Variants in DCC observed in about 807,000 individuals in gnomAD.
DCC encodes netrin receptor DCC.
DCC carries 58 observed loss-of-function variants against 172.5 expected under a neutral mutation model. The observed-to-expected ratio is 0.34, with a 90% CI of 0.27 to 0.42. The LOEUF (loss-of-function observed/expected upper bound fraction) is 0.42, where lower values mean the gene tolerates loss of function less well. Ranked by LOEUF, DCC falls within the 10% of genes least tolerant of loss-of-function variation. DCC has a pLI of 1.00. For synonymous variants in DCC, 709 were observed against 644.5 expected (o/e 1.10, Z -1.52); for missense variants, 1,740 against 1,791.0 (o/e 0.97, Z 0.51).
chr18:53,312,359 AAAAAG>A (rs779844372), intron 13 of DCC, among the ~76,000 whole-genome samples: 21,306 of 97,990 alleles, frequency 0.22, 3,566 homozygotes, highest in East Asian at 0.41. Flanking sequence ...AAAAAAAAAA[AAAAAG>A]AAAAAGAAAA....
intron 2 of DCC, among the ~76,000 whole-genome samples, chr18:52,769,719 TTTTACA>T (rs1335189640): frequency 1.3e-5 from 2 of 152,194 alleles, no homozygotes; most frequent in African/African-American, 4.8e-5. Context: ...TAGTTTCATA[TTTTACA>T]TTTACATCTG....
At chr18:53,257,471 A>G (rs529111527) in intron 12 of DCC, among the ~76,000 whole-genome samples, 4 of 152,192 alleles carry the variant, frequency 2.6e-5, no homozygotes, top group Admixed American at 2.6e-4. Context: ...TGAGATAATC[A>G]TATGGTTTTT....
chr18:53,344,790 G>A (rs568892743), intron 15 of DCC, among the ~76,000 whole-genome samples: 1 of 151,134 alleles, frequency 6.6e-6, no homozygotes, highest in East Asian at 1.9e-4. Flanking sequence ...ATTGCATATT[G>A]CAGTAAGATT....
chr18:53,306,425 G>A (rs1301001127), intron 13 of DCC, among the ~76,000 whole-genome samples: 2 of 152,190 alleles, frequency 1.3e-5, no homozygotes, highest in African/African-American at 2.4e-5. Context: ...AACAAGGAAA[G>A]CAATCCAGGG....
At chr18:53,284,783 G>C (rs1456206476) in intron 12 of DCC, among the ~76,000 whole-genome samples, 2 of 152,128 alleles carry the variant, frequency 1.3e-5, no homozygotes, top group African/African-American at 4.8e-5. Context: ...CTAGAAACTT[G>C]TTAAGTGGCT....
chr18:53,177,953 ATATTT>A (rs977299123), intron 8 of DCC, among the ~76,000 whole-genome samples: 3 of 152,202 alleles, frequency 2.0e-5, no homozygotes, highest in African/African-American at 7.2e-5. Context: ...GCAGAAAAAG[ATATTT>A]TATTTTAAAT....
At chr18:53,200,055 A>G (rs2055512053) in intron 9 of DCC, among the ~76,000 whole-genome samples, 1 of 152,172 alleles carries the variant, frequency 6.6e-6, no homozygotes, top group Non-Finnish European at 1.5e-5. Flanking sequence ...ATAAAAACGC[A>G]TCCTGTTGTT....
intron 2 of DCC, among the ~76,000 whole-genome samples, chr18:52,798,847 G>A (rs574899495): frequency 6.6e-6 from 1 of 152,036 alleles, no homozygotes; most frequent in South Asian, 2.1e-4. Context: ...CCCCCTCCCA[G>A]GTTCCAGTAA....
rs887279709 is a variant in DCC at position 53,493,115 on chromosome 18, GCT to G, written c.3898+6162_3898+6163del. On this transcript the variant is annotated intron_variant, in intron 26 of 28. Coordinates refer to ENST00000442544, the MANE Select transcript of DCC (RefSeq NM_005215.4). ...TGAATGGGAGTTCACTCATGATTTG[GCT>G]CTCTGTTTGTCTGTTATTGATGTAT... Among the ~76,000 whole-genome samples the G allele has an allele frequency of 2.6e-5, 4 of 152,122 alleles. No individual in the cohort carries two copies. In the East Asian group the frequency reaches 7.7e-4, roughly 29 times the overall value.
At chr18:53,360,484 T>A (rs1333244683) in intron 15 of DCC, among the ~76,000 whole-genome samples, 1 of 152,156 alleles carries the variant, frequency 6.6e-6, no homozygotes, top group Non-Finnish European at 1.5e-5. Context: ...CAAATTTTGT[T>A]CATTCAATAG....
chr18:53,151,314 C>T (rs1404863442), intron 7 of DCC, among the ~76,000 whole-genome samples: 2 of 152,182 alleles, frequency 1.3e-5, no homozygotes, highest in Non-Finnish European at 1.5e-5. Context: ...GAATGGAACT[C>T]ATTTGTAAGC....
chr18:53,055,731 A>G (rs1221919726), intron 5 of DCC, among the ~76,000 whole-genome samples: 3 of 152,152 alleles, frequency 2.0e-5, no homozygotes, highest in African/African-American at 7.2e-5. Flanking sequence ...GAGAAAGTAA[A>G]CTAGAGAGAA....
At chr18:52,774,302 C>T (rs1428971075) in intron 2 of DCC, among the ~76,000 whole-genome samples, 6 of 152,142 alleles carry the variant, frequency 3.9e-5, no homozygotes, top group Admixed American at 3.3e-4. Context: ...TGGTTTAGAC[C>T]AGGCCCAGTT....
In DCC at chr18:52,780,337, T is replaced by C. The variant is rs4503896; in HGVS notation, c.412+27963T>C. 2.7e-3 allele frequency among the ~76,000 whole-genome samples: 412 copies of C among 152,282 alleles called. 1 individual carries two copies. The highest frequency in any genetic ancestry group is 9.0e-3 in the African/African-American group (376 of 41,572). On this transcript the variant is annotated intron_variant, in intron 2 of 28. Transcript: ENST00000442544. ...GTTTTGAGATTAATAAAATTTATGA[T>C]TGTCTTGTAAAAAATTATTAATTCC...
chr18:53,495,046 T>C lies in DCC; in HGVS notation c.3899-4252T>C, dbSNP rs190820073. 4.6e-3 allele frequency among the ~76,000 whole-genome samples: 696 copies of C among 152,270 alleles called. 11 individuals carry two copies. Among genetic ancestry groups the C allele is most frequent in the Middle Eastern group, 0.014 (4 of 292 alleles). On this transcript the variant is annotated intron_variant, in intron 26 of 28. Transcript: ENST00000442544. ...TTGTTTGTCTGTAAAGGATTTTATT[T>C]CTCTTTCACTTACAAAGCTTAGTTT...
chr18:52,772,729 GTCTT>G (rs2037364215), intron 2 of DCC, among the ~76,000 whole-genome samples: 3 of 152,084 alleles, frequency 2.0e-5, no homozygotes, highest in Admixed American at 2.0e-4. Context: ...GTGGTGTTTT[GTCTT>G]TCTTTATTTC....
intron 8 of DCC, among the ~76,000 whole-genome samples, chr18:53,170,976 C>T (rs2055005445): frequency 6.6e-6 from 1 of 152,136 alleles, no homozygotes. Flanking sequence ...ACTTCTGCCT[C>T]CAGGCTCAAG....
intron 1 of DCC, among the ~76,000 whole-genome samples, chr18:52,469,224 A>T (rs896039533): frequency 1.3e-5 from 2 of 151,972 alleles, no homozygotes; most frequent in Non-Finnish European, 2.9e-5. Context: ...TGCATGGCTA[A>T]TTTTTTGTAT....
At chr18:52,431,337 A>G (rs1432622461) in intron 1 of DCC, among the ~76,000 whole-genome samples, 1 of 151,550 alleles carries the variant, frequency 6.6e-6, no homozygotes, top group Non-Finnish European at 1.5e-5. Context: ...GAACATTTAG[A>G]AAAAAAAAGA....
Sources: gnomAD v4.1 joint callset for allele counts (sites outside exome capture counted in the v4.1 genomes callset) on GRCh38, gnomAD v4.1.1 for gene constraint, MANE v1.5 for transcripts, NCBI Gene and HGNC (gene_info 2026-07-23, HGNC 2026-07-21) for gene names.